ITGAV: variants seen among roughly 807,000 people sequenced by gnomAD.
The protein encoded by ITGAV is integrin alpha-V.
In ITGAV, 76 loss-of-function variants were observed where a neutral mutation model predicts 143.8. That is an observed-to-expected ratio of 0.53 (90% CI 0.44 to 0.64). ITGAV has a LOEUF of 0.64. Ranked by LOEUF, ITGAV falls within the 30% of genes least tolerant of loss-of-function variation. The pLI, the probability that ITGAV is intolerant of heterozygous loss-of-function variation, is 0.00. For synonymous variants in ITGAV, 453 were observed against 446.7 expected (o/e 1.01, Z -0.18); for missense variants, 1,193 against 1,274.7 (o/e 0.94, Z 0.98).
At chr2:186,595,342 T>C (rs561590624) in intron 1 of ITGAV, among the ~76,000 whole-genome samples, 1 of 152,322 alleles carries the variant, frequency 6.6e-6, no homozygotes, top group Non-Finnish European at 1.5e-5. Context: ...TGCCCCTCCT[T>C]GGTTGTCAAG....
In ITGAV at chr2:186,679,584, T is replaced by C. The variant is rs1352326570; in HGVS notation, c.*2292T>C. On this transcript the variant is annotated 3_prime_UTR_variant, in exon 30 of 30. Coordinates refer to ENST00000261023, the MANE Select transcript of ITGAV (RefSeq NM_002210.5). Reference sequence around the variant, plus strand: ...TTTGAAATACTACCATATTTGTGATTTATTGAGAATAAAAATCCATTTTGA... The same window carrying C: ...TTTGAAATACTACCATATTTGTGATCTATTGAGAATAAAAATCCATTTTGA... 1 of 151,924 alleles carries C rather than the reference T, an allele frequency of 6.6e-6. No homozygotes were observed. Among genetic ancestry groups the C allele is most frequent in the Non-Finnish European group, 1.5e-5 (1 of 67,844 alleles). The allele number at this position is 151,924 out of a possible 1,614,324, so 9.4% of individuals were successfully genotyped here. A position where few individuals can be genotyped will look rare whatever the true frequency, so the allele number is the denominator to read the frequency against.
At chr2:186,591,872 C>T (rs1686625135) in intron 1 of ITGAV, among the ~76,000 whole-genome samples, 1 of 152,198 alleles carries the variant, frequency 6.6e-6, no homozygotes, top group South Asian at 2.1e-4. Context: ...GATTTTCCAA[C>T]ATGATAAAAA....
intron 4 of ITGAV, 91 bp downstream of exon 4, chr2:186,625,678 T>TGTGTGTGTGTGTGTGTGTGA (rs5836988): frequency 9.3e-5 from 42 of 453,188 alleles, no homozygotes; most frequent in African/African-American, 6.5e-4. Context: ...TGTGTGTGTG[T>TGTGTGTGTGTGTGTGTGTGA]GAGAGAGAGA....
intron 12 of ITGAV, among the ~76,000 whole-genome samples, chr2:186,643,891 A>G (rs1385960794): frequency 6.6e-6 from 1 of 152,228 alleles, no homozygotes; most frequent in Non-Finnish European, 1.5e-5. Flanking sequence ...TTTATTAAAC[A>G]GTCACTCAAC....
At chr2:186,592,359 G>T (rs1686637225) in intron 1 of ITGAV, among the ~76,000 whole-genome samples, 1 of 152,152 alleles carries the variant, frequency 6.6e-6, no homozygotes, top group Admixed American at 6.5e-5. Flanking sequence ...GGATTGCTTG[G>T]AAAGTTGAGG....
In ITGAV at chr2:186,638,400, C is replaced by A; in HGVS notation, c.847-9C>A. 1 of 1,610,676 alleles carries A rather than the reference C, an allele frequency of 6.2e-7. No individual in the cohort carries two copies. The highest frequency in any genetic ancestry group is 8.5e-7 in the Non-Finnish European group (1 of 1,177,262). On this transcript the variant is annotated splice_polypyrimidine_tract_variant and intron_variant, in intron 9 of 29. Coordinates refer to ENST00000261023, the MANE Select transcript of ITGAV (RefSeq NM_002210.5). ...CCAGATTTCACATACTTCTATTTTT[C>A]CTTCACAGGTTTATATTTATGATGG...
chr2:186,595,869 A>T lies in ITGAV; in HGVS notation c.185+5346A>T, dbSNP rs574916399. Reference sequence around the variant, plus strand: ...TTACCTCACCCTGTGTATTCTCCCCACCTCGCCACCATTGATAAGAAATGT... The same window carrying T: ...TTACCTCACCCTGTGTATTCTCCCCTCCTCGCCACCATTGATAAGAAATGT... On this transcript the variant is annotated intron_variant, in intron 1 of 29. Transcript: ENST00000261023. 3.2e-4 allele frequency among the ~76,000 whole-genome samples: 48 copies of T among 152,046 alleles called. 1 individual carries two copies. The South Asian group carries it at 9.8e-3, about 31-fold the overall frequency.
At chr2:186,672,617 A>G (rs1210431484) in intron 26 of ITGAV, among the ~76,000 whole-genome samples, 1 of 152,220 alleles carries the variant, frequency 6.6e-6, no homozygotes, top group East Asian at 1.9e-4. Context: ...TAAAATTTTT[A>G]TAATCATCCT....
At chr2:186,598,850 A>G (rs888032954) in intron 1 of ITGAV, among the ~76,000 whole-genome samples, 9 of 152,188 alleles carry the variant, frequency 5.9e-5, no homozygotes, top group African/African-American at 2.2e-4. Context: ...ATATGACTGC[A>G]TGGAGCTCTA....
At chr2:186,604,326 A>C (rs1405369682) in intron 2 of ITGAV, among the ~76,000 whole-genome samples, 1 of 152,184 alleles carries the variant, frequency 6.6e-6, no homozygotes, top group Admixed American at 6.5e-5. Flanking sequence ...CCTTATCGGC[A>C]TATGAATTTA....
chr2:186,638,918 A>G (rs1688026398), intron 10 of ITGAV, among the ~76,000 whole-genome samples: 1 of 149,586 alleles, frequency 6.7e-6, no homozygotes, highest in Admixed American at 6.7e-5. Context: ...TTTTTTAGGA[A>G]ATGCAAAATC....
chr2:186,626,004 A>C (rs1253833946), intron 4 of ITGAV, among the ~76,000 whole-genome samples: 1 of 152,172 alleles, frequency 6.6e-6, no homozygotes, highest in Non-Finnish European at 1.5e-5. Flanking sequence ...CAATTCTGAT[A>C]GATACCAAAG....
At chr2:186,658,178 A>T (rs1360413821) in intron 17 of ITGAV, among the ~76,000 whole-genome samples, 4 of 152,174 alleles carry the variant, frequency 2.6e-5, no homozygotes. Context: ...CTAAAAATGT[A>T]ATTTACCACA....
In ITGAV at chr2:186,594,964, G is replaced by A. The variant is rs765479072; in HGVS notation, c.185+4441G>A. Among the ~76,000 whole-genome samples, 58 of 152,290 alleles carry A rather than the reference G, an allele frequency of 3.8e-4. 1 individual carries two copies. The highest frequency in any genetic ancestry group is 9.2e-4 in the Admixed American group (14 of 15,292). Reference sequence around the variant, plus strand: ...GATTAAGGACATATGATGTTTCATAGAGCATTATGAAAGACAAGGGAAAAT... The same window carrying A: ...GATTAAGGACATATGATGTTTCATAAAGCATTATGAAAGACAAGGGAAAAT... On this transcript the variant is annotated intron_variant, in intron 1 of 29. Transcript: ENST00000261023.
Position 186,633,378 on chromosome 2 carries a change from G to T in ITGAV, c.631+4G>T. 2 of 1,565,708 alleles carry T rather than the reference G, an allele frequency of 1.3e-6. No homozygotes were observed. The highest frequency in any genetic ancestry group is 8.7e-7 in the Non-Finnish European group (1 of 1,144,776). On this transcript the variant is annotated splice_donor_region_variant and intron_variant, in intron 6 of 29. Transcript: ENST00000261023. ...CCTGGTAGCTTTTATTGGCAAGGTA[G>T]GTTAATATTTTTTAAATTACAATTG... is the stretch of plus-strand genomic sequence containing the variant.
chr2:186,624,964 T>C (rs569862663), intron 3 of ITGAV, among the ~76,000 whole-genome samples: 2 of 152,034 alleles, frequency 1.3e-5, no homozygotes, highest in African/African-American at 4.8e-5. Flanking sequence ...AAAAAAAAAT[T>C]GGACTACAAA....
At chr2:186,601,752 A>C (rs1686913079) in intron 1 of ITGAV, among the ~76,000 whole-genome samples, 1 of 152,140 alleles carries the variant, frequency 6.6e-6, no homozygotes, top group Admixed American at 6.5e-5. Flanking sequence ...TACATATTTA[A>C]AGTGTATGAT....
At chr2:186,663,306 ATTC>A in intron 18 of ITGAV, among the ~76,000 whole-genome samples, 1 of 152,072 alleles carries the variant, frequency 6.6e-6, no homozygotes, top group East Asian at 1.9e-4. Context: ...ACAGCTCCTT[ATTC>A]TTTTATCCTC....
In ITGAV at chr2:186,663,756, GT is replaced by G. The variant is rs1559065903; in HGVS notation, c.1858-5del. The G allele has an allele frequency of 8.7e-6, 14 of 1,602,836 alleles. No homozygotes were observed. Among genetic ancestry groups the G allele is most frequent in the Non-Finnish European group, 1.2e-5 (14 of 1,170,828 alleles). On this transcript the variant is annotated splice_polypyrimidine_tract_variant and intron_variant, in intron 18 of 29. Coordinates refer to ENST00000261023, the MANE Select transcript of ITGAV (RefSeq NM_002210.5). ...TATTTTTCATGTAGAAAAATAAAAT[GT>G]TTTTTTCTAGGCTCACATTCTACTT...
Sources: allele counts gnomAD v4.1 joint callset (sites outside exome capture counted in the v4.1 genomes callset), GRCh38; gene constraint gnomAD v4.1.1; transcripts MANE v1.5; gene names NCBI Gene and HGNC (gene_info 2026-07-23, HGNC 2026-07-21).